Variants in WARS2 observed in about 807,000 individuals in gnomAD.
WARS2 encodes tryptophanyl tRNA synthetase 2, mitochondrial, also known as tryptophan--tRNA ligase, mitochondrial.
WARS2 carries 28 observed loss-of-function variants against 36.5 expected under a neutral mutation model. The ratio of observed to expected loss-of-function variants is 0.77; its 90% confidence interval spans 0.57 to 1.05. The LOEUF (loss-of-function observed/expected upper bound fraction) is 1.05, where lower values mean the gene tolerates loss of function less well. WARS2 is among the 50% of genes least tolerant of loss of function. The pLI is 0.00. For synonymous variants in WARS2, 174 were observed against 178.4 expected (o/e 0.98, Z 0.20); for missense variants, 435 against 456.8 (o/e 0.95, Z 0.44).
intron 4 of WARS2, among the ~76,000 whole-genome samples, chr1:119,038,547 T>A (rs917049473): frequency 2.6e-5 from 4 of 152,214 alleles, no homozygotes; most frequent in Non-Finnish European, 5.9e-5. Context: ...ACTCTACCAG[T>A]CTGAAGTTTC....
chr1:119,126,205 A>G (rs1218697178), intron 1 of WARS2, among the ~76,000 whole-genome samples: 1 of 151,734 alleles, frequency 6.6e-6, no homozygotes, highest in Non-Finnish European at 1.5e-5. Context: ...AAAAACTCCA[A>G]TCCTGGATCA....
chr1:119,038,266 T>A (rs1249926196), intron 4 of WARS2, among the ~76,000 whole-genome samples: 2 of 152,204 alleles, frequency 1.3e-5, no homozygotes, highest in African/African-American at 4.8e-5. Flanking sequence ...TATGTGGATA[T>A]GAGCAGACTA....
intron 1 of WARS2, among the ~76,000 whole-genome samples, chr1:119,122,975 T>A (rs1188592965): frequency 6.6e-6 from 1 of 152,184 alleles, no homozygotes; most frequent in Non-Finnish European, 1.5e-5. Context: ...GAAAAAAATG[T>A]AGGAGTTCTT....
chr1:119,035,743 T>C (rs988076963), intron 4 of WARS2, among the ~76,000 whole-genome samples: 2 of 152,184 alleles, frequency 1.3e-5, no homozygotes, highest in East Asian at 1.9e-4. Flanking sequence ...TACTTGAAAC[T>C]GACAGTTCAC....
At chr1:119,106,538 G>C (rs1654254352) in intron 1 of WARS2, among the ~76,000 whole-genome samples, 1 of 152,116 alleles carries the variant, frequency 6.6e-6, no homozygotes, top group Non-Finnish European at 1.5e-5. Context: ...GCCTTTTCTA[G>C]AATGTCATAT....
intron 2 of WARS2, among the ~76,000 whole-genome samples, chr1:119,049,465 T>G (rs1425453497): frequency 1.3e-5 from 2 of 152,242 alleles, no homozygotes; most frequent in Non-Finnish European, 2.9e-5. Flanking sequence ...CAATATCACA[T>G]CATCTCACTG....
In WARS2 at chr1:119,100,328, A is replaced by G. The variant is rs192194564; in HGVS notation, c.91-23721T>C. On this transcript the variant is annotated intron_variant, in intron 1 of 5. Coordinates refer to ENST00000235521, the MANE Select transcript of WARS2 (RefSeq NM_015836.4). ...AGGAAGTGGAGAAAAGAGAACTCTT[A>G]TACCCTGCTGGTGGGAATGGAAACT... Among the ~76,000 whole-genome samples, 26 of 152,334 alleles carry G rather than the reference A, an allele frequency of 1.7e-4. No homozygotes were observed. The East Asian group carries it at 3.9e-3, about 23-fold the overall frequency.
chr1:119,051,946 G>T (rs1649397862), intron 2 of WARS2, among the ~76,000 whole-genome samples: 1 of 151,750 alleles, frequency 6.6e-6, no homozygotes, highest in African/African-American at 2.4e-5. Context: ...TTTTAGTAGA[G>T]ACGGGGTTTC....
rs72707307 is a variant in WARS2, at chr1:119,089,541, A to T, written c.91-12934T>A. Among the ~76,000 whole-genome samples the T allele has an allele frequency of 8.8e-3, 1,339 of 152,328 alleles. 11 individuals are homozygous for T. The highest frequency in any genetic ancestry group is 0.014 in the Non-Finnish European group (925 of 68,030). On this transcript the variant is annotated intron_variant, in intron 1 of 5. Transcript: ENST00000235521. ...TGTACAAAATAGGGATAATAATAGT[A>T]CCTATCTCAGAGGGTGGTTCGGAGG...
At chr1:119,133,913 T>C (rs1215107692) in intron 1 of WARS2, among the ~76,000 whole-genome samples, 1 of 152,112 alleles carries the variant, frequency 6.6e-6, no homozygotes, top group African/African-American at 2.4e-5. Context: ...ATAGAGGAAC[T>C]TTGTATATTG....
chr1:119,092,389 A>G (rs1653108632), intron 1 of WARS2, among the ~76,000 whole-genome samples: 1 of 152,236 alleles, frequency 6.6e-6, no homozygotes, highest in African/African-American at 2.4e-5. Context: ...ATCTTTATTA[A>G]GGAAATTAAT....
chr1:119,124,415 AG>A (rs1655520194), intron 1 of WARS2, among the ~76,000 whole-genome samples: 1 of 152,138 alleles, frequency 6.6e-6, no homozygotes, highest in Non-Finnish European at 1.5e-5. Context: ...GCTTGAACCC[AG>A]GAAGTGGAGG....
At chr1:119,036,758 C>T (rs1647920918) in intron 4 of WARS2, among the ~76,000 whole-genome samples, 1 of 152,164 alleles carries the variant, frequency 6.6e-6, no homozygotes, top group Non-Finnish European at 1.5e-5. Context: ...GGATCCTTGC[C>T]TCTTTTTTAA....
intron 1 of WARS2, among the ~76,000 whole-genome samples, chr1:119,084,483 G>GA (rs1290617572): frequency 6.6e-6 from 1 of 152,004 alleles, no homozygotes; most frequent in Non-Finnish European, 1.5e-5. Flanking sequence ...ACGTTGCAAG[G>GA]AAAAAACTTG....
At position 119,081,770 on chromosome 1, in the gene WARS2, A is replaced by AC. The variant is rs1652208474; in HGVS notation, c.91-5164dup. On this transcript the variant is annotated intron_variant, in intron 1 of 5. Transcript: ENST00000235521. ...TCCTACATTCCTGAAATTATCTTCAACATTTTCTTGAAAATGCCTCTATTG... is the reference window on the plus strand; with the variant it reads ...TCCTACATTCCTGAAATTATCTTCAACCATTTTCTTGAAAATGCCTCTATTG... 2.0e-5 allele frequency among the ~76,000 whole-genome samples: 3 copies of AC among 152,290 alleles called. No individual in the cohort carries two copies. In the South Asian group the frequency reaches 6.2e-4, roughly 32 times the overall value.
intron 2 of WARS2, among the ~76,000 whole-genome samples, chr1:119,057,978 C>T (rs1042441821): frequency 6.6e-6 from 1 of 152,076 alleles, no homozygotes; most frequent in African/African-American, 2.4e-5. Flanking sequence ...TCAAATGTAT[C>T]AATAGTTTCT....
intron 2 of WARS2, among the ~76,000 whole-genome samples, chr1:119,047,698 G>A (rs1465495862): frequency 1.3e-5 from 2 of 152,116 alleles, no homozygotes; most frequent in East Asian, 3.9e-4. Flanking sequence ...TGCATGGAAA[G>A]GTTCAGAGTT....
chr1:119,110,239 T>C (rs2101495902), intron 1 of WARS2, among the ~76,000 whole-genome samples: 1 of 152,172 alleles, frequency 6.6e-6, no homozygotes, highest in South Asian at 2.1e-4. Flanking sequence ...TTTCTTTCTT[T>C]ATGTAGCTCC....
rs185077209 is a variant in WARS2 at position 119,066,831 on chromosome 1, T to C, written c.348+9519A>G. On this transcript the variant is annotated intron_variant, in intron 2 of 5. Transcript: ENST00000235521. ...CATTTTGGAGAACAAACTGACAACA[T>C]TCACTGAGGCCAATGATGTATATAT... is the stretch of plus-strand genomic sequence containing the variant. Among the ~76,000 whole-genome samples, 260 of 152,270 alleles carry C rather than the reference T, an allele frequency of 1.7e-3. 1 individual carries two copies. Among genetic ancestry groups the C allele is most frequent in the African/African-American group, 5.6e-3 (234 of 41,562 alleles).
Sources: allele counts gnomAD v4.1 joint callset (sites outside exome capture counted in the v4.1 genomes callset), GRCh38; gene constraint gnomAD v4.1.1; transcripts MANE v1.5; gene names NCBI Gene and HGNC (gene_info 2026-07-23, HGNC 2026-07-21).